The following OR7A10 variants were observed in gnomAD, a reference collection of about 807,000 sequenced individuals.
The protein encoded by OR7A10 is olfactory receptor 7A10.
For missense variants in OR7A10, 358 were observed against 370.1 expected, an observed-to-expected ratio of 0.97 and a Z score of 0.27; for synonymous variants, 144 against 144.5, an observed-to-expected ratio of 1.00 and a Z score of 0.02.
At chr19:14,845,317 A>G (rs2044937279) in intron 1 of OR7A10, among the ~76,000 whole-genome samples, 1 of 151,628 alleles carries the variant, frequency 6.6e-6, no homozygotes, top group Admixed American at 6.6e-5. Flanking sequence ...TCTACTAAAA[A>G]TACAAAAATT....
chr19:14,844,664 G>GTTT (rs1348866444), intron 1 of OR7A10, among the ~76,000 whole-genome samples: 20,712 of 97,510 alleles, frequency 0.21, 4,424 homozygotes, highest in East Asian at 0.47. Flanking sequence ...TGAGTTCTGT[G>GTTT]TTTTTTTTTT....
At chr19:14,843,631 C>A (rs991134721) in intron 1 of OR7A10, among the ~76,000 whole-genome samples, 19 of 152,228 alleles carry the variant, frequency 1.2e-4, no homozygotes, top group Non-Finnish European at 2.4e-4. Context: ...CTTGCCATCT[C>A]TGAATTCCTT....
At chr19:14,842,131 C>T (rs765868258) in intron 1 of OR7A10, among the ~76,000 whole-genome samples, 1 of 152,154 alleles carries the variant, frequency 6.6e-6, no homozygotes, top group Non-Finnish European at 1.5e-5. Context: ...AAACAGGTAA[C>T]ATGTCATGGG....
In OR7A10 at chr19:14,841,034, T is replaced by G; in HGVS notation, c.844A>C (p.Thr282Pro). ...AAASVMYTVVTPMLNPFIYSL... is the reference protein window; with the variant it reads ...AAASVMYTVVPPMLNPFIYSL... ...TAGATGAAGGGGTTCAGCATGGGGG[T>G]GACCACAGTGTACATCACTGAGGCT... Residue 282 changes from threonine (T) to proline (P), a missense_variant, in exon 2 of 2, where the codon ACC (threonine) becomes CCC (proline). Thr to Pro is a conservative substitution (Grantham distance 38). Coordinates refer to ENST00000641129, the MANE Select transcript of OR7A10 (RefSeq NM_001005190.2). 6.2e-7 allele frequency: 1 copy of G among 1,614,016 alleles called. No homozygotes were observed. The highest frequency in any genetic ancestry group is 8.5e-7 in the Non-Finnish European group (1 of 1,179,988).
In OR7A10 at chr19:14,848,622, AC is replaced by A. The variant is rs1350781972; in HGVS notation, c.-136del. The A allele has an allele frequency of 1.3e-5, 2 of 152,212 alleles. No homozygotes were observed. The highest frequency in any genetic ancestry group is 3.9e-4 in the East Asian group (2 of 5,192). 9.4% of individuals were successfully genotyped at this position (152,212 alleles called of 1,614,324 possible). A position where few individuals can be genotyped will look rare whatever the true frequency, so the allele number is the denominator to read the frequency against. ...CAGTAGGAGAAAGGAAAGAATCAGTACCCCTGAGCCAGCAGATATAGACTCC... is the reference window on the plus strand; with the variant it reads ...CAGTAGGAGAAAGGAAAGAATCAGTACCCTGAGCCAGCAGATATAGACTCC... On this transcript the variant is annotated 5_prime_UTR_variant, in exon 1 of 2. An upstream open reading frame in the 5' UTR loses its in-frame stop. Transcript: ENST00000641129.
At position 14,841,607 on chromosome 19, in the gene OR7A10, CT is replaced by C. The variant is rs1212340348; in HGVS notation, c.270del (p.Val91SerfsTer18). Reference protein sequence around the residue: ...KMLVNIQTHNKVITYAGCITQ... With the variant: ...KMLVNIQTHNXVITYAGCITQ... ...GTGATGCAGCCTGCATAGGTGATGA[CT>C]TTGTTGTGTGTCTGGATGTTCACCA... On this transcript the variant is annotated frameshift_variant, in exon 2 of 2. Coordinates refer to ENST00000641129, the MANE Select transcript of OR7A10 (RefSeq NM_001005190.2). LOFTEE classifies it low-confidence loss of function (END_TRUNC). 6.2e-7 allele frequency: 1 copy of C among 1,614,108 alleles called. No individual in the cohort carries two copies.
Position 14,841,122 on chromosome 19 carries a change from A to G in OR7A10, c.756T>C (p.Tyr252=). 1.2e-6 allele frequency: 2 copies of G among 1,614,130 alleles called. No individual in the cohort carries two copies. The highest frequency in any genetic ancestry group is 1.7e-6 in the Non-Finnish European group (2 of 1,179,998). The change falls in exon 2 of 2, where the codon TAT becomes TAC. Residue 252 remains tyrosine (Y), a synonymous_variant. Coordinates refer to ENST00000641129, the MANE Select transcript of OR7A10 (RefSeq NM_001005190.2). The stretch of plus-strand genomic sequence containing the variant: ...TAAGGTACACCCCTAAGCATGTACC[A>G]TAAAATAAGGAGACAACTGAGAGGT... The part of the protein sequence containing the change: ...ASHLSVVSLF[Y]GTCLGVYLSS...
Position 14,841,594 on chromosome 19 carries a change from G to T in OR7A10, c.284C>A (p.Ala95Glu). Residue 95 changes from alanine (A) to glutamate (E), a missense_variant, in exon 2 of 2, where the codon GCA becomes GAA. By Grantham distance (107) the Ala-to-Glu change is moderately radical (BLOSUM62 -1). Transcript: ENST00000641129. ...IQTHNKVITY[A>E]GCITQMCFFL... is the part of the protein sequence containing the mutation. ...AAAGCACATCTGGGTGATGCAGCCTGCATAGGTGATGACTTTGTTGTGTGT... is the reference window on the plus strand; with the variant it reads ...AAAGCACATCTGGGTGATGCAGCCTTCATAGGTGATGACTTTGTTGTGTGT... The T allele has an allele frequency of 1.2e-6, 2 of 1,614,184 alleles. No homozygotes were observed. The highest frequency in any genetic ancestry group is 2.2e-5 in the South Asian group (2 of 91,084).
At position 14,841,585 on chromosome 19, in the gene OR7A10, A is replaced by T; in HGVS notation, c.293T>A (p.Ile98Asn). 1 of 1,614,200 alleles carries T rather than the reference A, an allele frequency of 6.2e-7. No homozygotes were observed. The highest frequency in any genetic ancestry group is 8.5e-7 in the Non-Finnish European group (1 of 1,180,038). The stretch of plus-strand genomic sequence containing the variant: ...GAGTAAGAAAAAGCACATCTGGGTG[A>T]TGCAGCCTGCATAGGTGATGACTTT... ...HNKVITYAGC[I>N]TQMCFFLLFV... The change falls in exon 2 of 2, where the codon ATC becomes AAC. Residue 98 changes from isoleucine to asparagine, a missense_variant. Coordinates refer to ENST00000641129, the MANE Select transcript of OR7A10 (RefSeq NM_001005190.2).
At chr19:14,844,540 A>G (rs2044930834) in intron 1 of OR7A10, among the ~76,000 whole-genome samples, 1 of 152,170 alleles carries the variant, frequency 6.6e-6, no homozygotes, top group African/African-American at 2.4e-5. Context: ...CTGAAATTTG[A>G]TAACACAAGG....
Position 14,841,679 on chromosome 19 carries a change from A to G in OR7A10, c.199T>C (p.Ser67Pro), listed in dbSNP as rs756034855. The G allele has an allele frequency of 2.2e-5, 36 of 1,614,058 alleles. No homozygotes were observed. Among genetic ancestry groups the G allele is most frequent in the Non-Finnish European group, 3.0e-5 (35 of 1,180,036 alleles). Residue 67 changes from serine to proline, a missense_variant, in exon 2 of 2, where the codon TCC becomes CCC. Physicochemically the swap from Ser to Pro is moderately conservative, Grantham distance 74. Coordinates refer to ENST00000641129, the MANE Select transcript of OR7A10 (RefSeq NM_001005190.2). Reference protein sequence around the residue: ...TPMYFFLSNLSFVDICFVSTT... With the variant: ...TPMYFFLSNLPFVDICFVSTT... ...GAGACAAAACAGATGTCTACGAAGG[A>G]CAGGTTGGAGAGGAAGAAGTACATG...
In OR7A10 at chr19:14,841,702, A is replaced by G. The variant is rs748274548; in HGVS notation, c.176T>C (p.Met59Thr). ...GGACAGGTTGGAGAGGAAGAAGTAC[A>G]TGGGGGTGTGGAGGTGGGAGTCTGA... ...TISDSHLHTP[M>T]YFFLSNLSFV... Residue 59 changes from methionine to threonine, a missense_variant, in exon 2 of 2, where the codon ATG (methionine) becomes ACG (threonine). Transcript: ENST00000641129. 1.5e-5 allele frequency: 24 copies of G among 1,614,078 alleles called. No homozygotes were observed. The highest frequency in any genetic ancestry group is 1.0e-4 in the Admixed American group (6 of 59,996).
At position 14,840,832 on chromosome 19, in the gene OR7A10, C is replaced by T; in HGVS notation, c.*116G>A. On this transcript the variant is annotated 3_prime_UTR_variant, in exon 2 of 2. Transcript: ENST00000641129. ...TTGAGGAACAAAGAAGTTTAAACTC[C>T]AGGAAATAAATGGAAGGGGCAAGTC... is the stretch of plus-strand genomic sequence containing the variant. 1 of 712,064 alleles carries T rather than the reference C, an allele frequency of 1.4e-6. No homozygotes were observed. The highest frequency in any genetic ancestry group is 2.3e-6 in the Non-Finnish European group (1 of 431,008). The allele number at this position is 712,064 out of a possible 1,614,324, so 44.1% of individuals were successfully genotyped here.
chr19:14,844,491 T>A (rs2044930600), intron 1 of OR7A10, among the ~76,000 whole-genome samples: 1 of 152,072 alleles, frequency 6.6e-6, no homozygotes, highest in African/African-American at 2.4e-5. Flanking sequence ...TGGGAGATGG[T>A]GTCAGAGGAT....
At chr19:14,843,993 G>A (rs1057000112) in intron 1 of OR7A10, among the ~76,000 whole-genome samples, 3 of 152,090 alleles carry the variant, frequency 2.0e-5, no homozygotes, top group Non-Finnish European at 2.9e-5. Context: ...ACAGGTTGAT[G>A]GGTGCAGCAA....
rs1177517952 is a variant in OR7A10, at chr19:14,841,778, T to C, written c.100A>G (p.Met34Val). 1.2e-6 allele frequency: 2 copies of C among 1,614,082 alleles called. No individual in the cohort carries two copies. The change falls in exon 2 of 2, where the codon ATG becomes GTG. Residue 34 changes from methionine (M) to valine (V), a missense_variant. Transcript: ENST00000641129. ...QAFLFGLFLS[M>V]YLVTVLGNLL... ...TTCCCGAGCACAGTGACCAGGTACA[T>C]GGACAGGAACAGCCCAAAGAGGAAG...
chr19:14,845,217 G>A (rs954624951), intron 1 of OR7A10, among the ~76,000 whole-genome samples: 5 of 152,010 alleles, frequency 3.3e-5, no homozygotes, highest in African/African-American at 1.2e-4. Context: ...GCTCACGCCT[G>A]TAATCCCAGC....
At chr19:14,848,037 T>G (rs1316280717) in intron 1 of OR7A10, among the ~76,000 whole-genome samples, 1 of 151,596 alleles carries the variant, frequency 6.6e-6, no homozygotes, top group Non-Finnish European at 1.5e-5. Context: ...GCAGGAGAAT[T>G]GCTTGAATCC....
In OR7A10 at chr19:14,848,864, G is replaced by A. The variant is rs1247969383; in HGVS notation, c.-377C>T. On this transcript the variant is annotated 5_prime_UTR_variant, in exon 1 of 2. Coordinates refer to ENST00000641129, the MANE Select transcript of OR7A10 (RefSeq NM_001005190.2). ...CCCAAGACATCAGATTAAACATCAG[G>A]CGAATCGAGTCGTTATTATTCCTTC... 6.6e-6 allele frequency: 1 copy of A among 152,128 alleles called. No individual in the cohort carries two copies. The highest frequency in any genetic ancestry group is 2.4e-5 in the African/African-American group (1 of 41,398). 9.4% of individuals were successfully genotyped at this position (152,128 alleles called of 1,614,324 possible). A position where few individuals can be genotyped will look rare whatever the true frequency, so the allele number is the denominator to read the frequency against.
Sources: gnomAD v4.1 joint callset for allele counts (sites outside exome capture counted in the v4.1 genomes callset) on GRCh38, gnomAD v4.1.1 for gene constraint, MANE v1.5 for transcripts, NCBI Gene and HGNC (gene_info 2026-07-23, HGNC 2026-07-21) for gene names.